The following AFG2A variants were observed in gnomAD, a reference collection of about 807,000 sequenced individuals.
AFG2A encodes the protein ATPase family gene 2 protein homolog A.
chr4:123,250,271 C>G, the AFG2A span, among the ~76,000 whole-genome samples: 40 of 152,262 alleles, frequency 2.6e-4, no homozygotes, highest in Admixed American at 2.0e-3. Context: ...ATAGTTAAGA[C>G]TCCTTCATGT....
the AFG2A span, chr4:122,927,833 A>G: frequency 5.1e-6 from 8 of 1,570,738 alleles, no homozygotes; most frequent in East Asian, 6.8e-5. Context: ...AAACTCTGAA[A>G]TGCTTTTGAG....
the AFG2A span, among the ~76,000 whole-genome samples, chr4:123,220,679 C>T: frequency 6.9e-6 from 1 of 144,850 alleles, no homozygotes; most frequent in Non-Finnish European, 1.5e-5. Context: ...TTAACAACAA[C>T]TTAAAATTAC....
chr4:123,119,842 T>C, the AFG2A span, among the ~76,000 whole-genome samples: 2 of 152,192 alleles, frequency 1.3e-5, no homozygotes, highest in African/African-American at 2.4e-5. Context: ...ACTTACAGTT[T>C]AGCATGGCTG....
the AFG2A span, among the ~76,000 whole-genome samples, chr4:122,948,781 A>G: frequency 6.6e-6 from 1 of 151,892 alleles, no homozygotes; most frequent in African/African-American, 2.4e-5. Context: ...CAACTTCCAC[A>G]TGGCAACCTC....
the AFG2A span, among the ~76,000 whole-genome samples, chr4:122,972,767 C>T: frequency 2.6e-4 from 40 of 151,914 alleles, no homozygotes; most frequent in South Asian, 6.6e-3. Context: ...TATTCATTCT[C>T]CTGAGGTCAG....
At chr4:123,257,744 C>T in the AFG2A span, among the ~76,000 whole-genome samples, 2 of 152,152 alleles carry the variant, frequency 1.3e-5, no homozygotes, top group Non-Finnish European at 2.9e-5. Context: ...TTGCAGGAAA[C>T]AGCAAGAGGA....
the AFG2A span, among the ~76,000 whole-genome samples, chr4:123,187,099 A>G: frequency 2.4e-4 from 36 of 152,306 alleles, no homozygotes; most frequent in Non-Finnish European, 4.9e-4. Flanking sequence ...TTTTGTTACT[A>G]TTGTTTTGTA....
the AFG2A span, among the ~76,000 whole-genome samples, chr4:123,046,687 ATTG>A: frequency 2.0e-5 from 3 of 152,134 alleles, no homozygotes; most frequent in Admixed American, 6.6e-5. Context: ...TATGCAGTAA[ATTG>A]TTGTTAACTA....
the AFG2A span, among the ~76,000 whole-genome samples, chr4:123,132,780 C>CTTTT: frequency 2.3e-5 from 3 of 129,214 alleles, no homozygotes; most frequent in Admixed American, 7.8e-5. Context: ...GATTTCAATC[C>CTTTT]TTTTTTTTTT....
the AFG2A span, among the ~76,000 whole-genome samples, chr4:123,190,098 C>T: frequency 6.6e-6 from 1 of 152,076 alleles, no homozygotes; most frequent in South Asian, 2.1e-4. Flanking sequence ...CCACGCCCAG[C>T]TTCATTTGAA....
the AFG2A span, among the ~76,000 whole-genome samples, chr4:123,060,109 G>C: frequency 6.6e-6 from 1 of 152,184 alleles, no homozygotes; most frequent in African/African-American, 2.4e-5. Flanking sequence ...GGTTCCCATG[G>C]TCTTGGGCAG....
chr4:123,122,276 T>C, the AFG2A span, among the ~76,000 whole-genome samples: 3 of 152,252 alleles, frequency 2.0e-5, no homozygotes, highest in East Asian at 5.8e-4. Flanking sequence ...AGTTCCTTCC[T>C]GTTAAAGGTA....
chr4:123,202,077 C>T, the AFG2A span, among the ~76,000 whole-genome samples: 1 of 152,134 alleles, frequency 6.6e-6, no homozygotes, highest in Non-Finnish European at 1.5e-5. Context: ...TAATTTAATG[C>T]TTTACTCCAT....
chr4:123,197,909 A>G, the AFG2A span, among the ~76,000 whole-genome samples: 1 of 152,224 alleles, frequency 6.6e-6, no homozygotes, highest in East Asian at 1.9e-4. Flanking sequence ...GCTGAACAAC[A>G]CATTCCATTT....
chr4:123,239,051 AG>A, the AFG2A span, among the ~76,000 whole-genome samples: 1 of 152,200 alleles, frequency 6.6e-6, no homozygotes, highest in African/African-American at 2.4e-5. Context: ...CACAAACTTC[AG>A]TAGCCAATTC....
At chr4:123,298,448 A>G in the AFG2A span, among the ~76,000 whole-genome samples, 1 of 152,168 alleles carries the variant, frequency 6.6e-6, no homozygotes, top group East Asian at 1.9e-4. Flanking sequence ...ACCCAATAAT[A>G]TCATTACAAT....
the AFG2A span, chr4:122,923,084 G>A: frequency 6.2e-7 from 1 of 1,605,920 alleles, no homozygotes. Context: ...TTTTCTCTCA[G>A]TTGAAGCGCG....
At chr4:122,989,996 A>G in the AFG2A span, among the ~76,000 whole-genome samples, 10 of 152,264 alleles carry the variant, frequency 6.6e-5, no homozygotes, top group African/African-American at 2.4e-4. Context: ...AGCTAGGACT[A>G]CAGGTGTACG....
chr4:123,166,989 A>T, the AFG2A span, among the ~76,000 whole-genome samples: 1 of 152,078 alleles, frequency 6.6e-6, no homozygotes, highest in Non-Finnish European at 1.5e-5. Flanking sequence ...CCACTCATTT[A>T]CACTGTGTCC....
Sources: allele counts gnomAD v4.1 joint callset (sites outside exome capture counted in the v4.1 genomes callset), GRCh38; gene constraint gnomAD v4.1.1; transcripts MANE v1.5; gene names NCBI Gene and HGNC (gene_info 2026-07-23, HGNC 2026-07-21).